The following GPC5 variants were observed in gnomAD, a reference collection of about 807,000 sequenced individuals.
GPC5 encodes glypican-5.
Under a neutral mutation model 53.9 loss-of-function variants are expected in GPC5, and 47 were observed. That is an observed-to-expected ratio of 0.87 (90% CI 0.69 to 1.11). The LOEUF (loss-of-function observed/expected upper bound fraction) is 1.11, where lower values mean the gene tolerates loss of function less well. Among genes scored for constraint, GPC5 ranks in the 50% most tolerant of loss-of-function variants. GPC5 has a pLI of 0.00. For synonymous variants in GPC5, 286 were observed against 263.3 expected (o/e 1.09, Z -0.84); for missense variants, 748 against 713.1 (o/e 1.05, Z -0.56).
Position 92,454,712 on chromosome 13 carries a change from G to T in GPC5, c.1561+309723G>T, listed in dbSNP as rs79769258. Among the ~76,000 whole-genome samples the T allele has an allele frequency of 4.6e-5, 7 of 152,222 alleles. No homozygotes were observed. In the East Asian group the frequency reaches 1.4e-3, roughly 29 times the overall value. ...GTGTCTAGTTATGGAGCCAAAGATG[G>T]AGCCTTTGTCCTCACCGATGATGAA... On this transcript the variant is annotated intron_variant, in intron 7 of 7. Transcript: ENST00000377067.
intron 5 of GPC5, among the ~76,000 whole-genome samples, chr13:91,858,492 T>C (rs1271174149): frequency 6.6e-6 from 1 of 152,020 alleles, no homozygotes; most frequent in Non-Finnish European, 1.5e-5. Flanking sequence ...TGTTTAACTA[T>C]CCTTGCATCC....
At chr13:92,745,289 A>T (rs1029479418) in intron 7 of GPC5, among the ~76,000 whole-genome samples, 1 of 152,084 alleles carries the variant, frequency 6.6e-6, no homozygotes, top group Non-Finnish European at 1.5e-5. Flanking sequence ...AAAAACACAA[A>T]TTCTTTGTAT....
At chr13:92,683,518 AATT>A (rs1233149898) in intron 7 of GPC5, among the ~76,000 whole-genome samples, 1 of 152,230 alleles carries the variant, frequency 6.6e-6, no homozygotes. Flanking sequence ...GGAGGCCTTT[AATT>A]ATTATGTGGA....
intron 7 of GPC5, among the ~76,000 whole-genome samples, chr13:92,685,523 T>C (rs951214627): frequency 4.2e-4 from 64 of 151,340 alleles, no homozygotes; most frequent in Middle Eastern, 3.4e-3. Context: ...ATAATCAAGT[T>C]ATTTATGAAA....
intron 7 of GPC5, among the ~76,000 whole-genome samples, chr13:92,237,913 A>G (rs906055025): frequency 6.6e-6 from 1 of 152,136 alleles, no homozygotes; most frequent in Non-Finnish European, 1.5e-5. Flanking sequence ...ATGGAATCAT[A>G]ATAAGCATTC....
At chr13:91,792,255 C>A (rs972184173) in intron 5 of GPC5, among the ~76,000 whole-genome samples, 1 of 152,168 alleles carries the variant, frequency 6.6e-6, no homozygotes, top group Non-Finnish European at 1.5e-5. Flanking sequence ...TTCTTGATAA[C>A]CAGAATCAAC....
At chr13:92,218,634 C>T (rs535646144) in intron 7 of GPC5, among the ~76,000 whole-genome samples, 6 of 152,062 alleles carry the variant, frequency 3.9e-5, no homozygotes, top group Non-Finnish European at 5.9e-5. Context: ...AAATCCCAAC[C>T]GCCTTCACTA....
intron 4 of GPC5, among the ~76,000 whole-genome samples, chr13:91,736,766 G>A (rs2036824352): frequency 6.6e-6 from 1 of 151,192 alleles, no homozygotes; most frequent in Non-Finnish European, 1.5e-5. Flanking sequence ...AAATTTAGTT[G>A]TAGATCTAAT....
chr13:91,836,638 CT>C (rs2038725587), intron 5 of GPC5, among the ~76,000 whole-genome samples: 1 of 151,788 alleles, frequency 6.6e-6, no homozygotes, highest in African/African-American at 2.4e-5. Flanking sequence ...TTTTAATGCA[CT>C]TTTAAATATC....
intron 2 of GPC5, among the ~76,000 whole-genome samples, chr13:91,481,494 C>T (rs561644791): frequency 1.4e-4 from 22 of 152,258 alleles, no homozygotes; most frequent in Admixed American, 4.6e-4. Context: ...TTATATTGTA[C>T]GACTGTAAAC....
intron 6 of GPC5, among the ~76,000 whole-genome samples, chr13:92,104,573 T>C (rs1269909003): frequency 6.6e-6 from 1 of 152,162 alleles, no homozygotes; most frequent in Non-Finnish European, 1.5e-5. Context: ...ATAGATGACA[T>C]TGTTACAAGT....
intron 6 of GPC5, among the ~76,000 whole-genome samples, chr13:91,960,467 T>C (rs77505128): frequency 0.028 from 4,183 of 152,066 alleles, 146 homozygotes; most frequent in African/African-American, 0.083. Context: ...CAATCAATAT[T>C]ATTAAAATGA....
At chr13:92,861,619 C>G (rs1879186690) in intron 7 of GPC5, among the ~76,000 whole-genome samples, 1 of 152,128 alleles carries the variant, frequency 6.6e-6, no homozygotes, top group Non-Finnish European at 1.5e-5. Flanking sequence ...CATCTTTTTG[C>G]TGCAATCTAT....
intron 7 of GPC5, among the ~76,000 whole-genome samples, chr13:92,677,312 C>T (rs558181526): frequency 6.6e-6 from 1 of 152,092 alleles, no homozygotes; most frequent in Admixed American, 6.6e-5. Flanking sequence ...AAAAGACTAA[C>T]TTGAATACAA....
chr13:92,433,903 A>G (rs1216687127), intron 7 of GPC5, among the ~76,000 whole-genome samples: 1 of 152,214 alleles, frequency 6.6e-6, no homozygotes, highest in East Asian at 1.9e-4. Flanking sequence ...GATTCTCAAG[A>G]TCAGTCAAGC....
intron 7 of GPC5, among the ~76,000 whole-genome samples, chr13:92,629,132 A>G (rs1179324761): frequency 6.6e-6 from 1 of 152,154 alleles, no homozygotes; most frequent in Non-Finnish European, 1.5e-5. Flanking sequence ...AGATGCCAGG[A>G]GTTTCTTCTG....
intron 3 of GPC5, among the ~76,000 whole-genome samples, chr13:91,710,734 G>A (rs1594462666): frequency 6.6e-6 from 1 of 152,168 alleles, no homozygotes. Flanking sequence ...GATGCATTTA[G>A]ACTGTACAAG....
At chr13:92,602,432 G>A (rs909095478) in intron 7 of GPC5, among the ~76,000 whole-genome samples, 2 of 151,632 alleles carry the variant, frequency 1.3e-5, no homozygotes, top group Non-Finnish European at 2.9e-5. Context: ...TCTGTTGATT[G>A]GAGTTACAGG....
At chr13:92,463,541 T>C (rs1878576301) in intron 7 of GPC5, among the ~76,000 whole-genome samples, 1 of 152,200 alleles carries the variant, frequency 6.6e-6, no homozygotes, top group Admixed American at 6.5e-5. Context: ...TTTTATTTCT[T>C]TAGGATAAAG....
Sources: allele counts gnomAD v4.1 joint callset (sites outside exome capture counted in the v4.1 genomes callset), GRCh38; gene constraint gnomAD v4.1.1; transcripts MANE v1.5; gene names NCBI Gene and HGNC (gene_info 2026-07-23, HGNC 2026-07-21).